The following ZFYVE28 variants were observed in gnomAD, a reference collection of about 807,000 sequenced individuals.
ZFYVE28 encodes the protein lateral signaling target protein 2 homolog.
ZFYVE28 carries 40 observed loss-of-function variants against 82.1 expected under a neutral mutation model. That is an observed-to-expected ratio of 0.49 (90% CI 0.38 to 0.63). ZFYVE28 has a LOEUF of 0.63. Ranked by LOEUF, ZFYVE28 falls within the 30% of genes least tolerant of loss-of-function variation. The pLI is 0.00. For missense variants in ZFYVE28, 1,321 were observed against 1,242.1 expected, an observed-to-expected ratio of 1.06 and a Z score of -0.96; for synonymous variants, 612 against 546.1, an observed-to-expected ratio of 1.12 and a Z score of -1.68.
chr4:2,330,006 T>C (rs1229583989), intron 6 of ZFYVE28, among the ~76,000 whole-genome samples: 3 of 152,070 alleles, frequency 2.0e-5, no homozygotes, highest in Non-Finnish European at 4.4e-5. Context: ...TATAGTCTAG[T>C]GGGGGAGACA....
chr4:2,315,145 G>C (rs1367806928), intron 7 of ZFYVE28, among the ~76,000 whole-genome samples: 7 of 152,182 alleles, frequency 4.6e-5, no homozygotes, highest in Non-Finnish European at 7.4e-5. Flanking sequence ...ATTGTTTTAT[G>C]TGCAGGTTGC....
chr4:2,293,383 T>C (rs908592289), intron 8 of ZFYVE28, among the ~76,000 whole-genome samples: 9 of 152,166 alleles, frequency 5.9e-5, no homozygotes, highest in Non-Finnish European at 1.3e-4. Flanking sequence ...ATCATCTATG[T>C]AGGAAAACTG....
intron 1 of ZFYVE28, among the ~76,000 whole-genome samples, chr4:2,390,264 G>C (rs1729690142): frequency 6.6e-6 from 1 of 152,226 alleles, no homozygotes; most frequent in East Asian, 1.9e-4. Context: ...TCCCTCAGAG[G>C]TTCCAAGAGG....
At chr4:2,411,039 T>G (rs1732467844) in intron 1 of ZFYVE28, among the ~76,000 whole-genome samples, 1 of 152,192 alleles carries the variant, frequency 6.6e-6, no homozygotes, top group African/African-American at 2.4e-5. Flanking sequence ...AAAAAAACAT[T>G]GCCCTAAGGA....
intron 1 of ZFYVE28, among the ~76,000 whole-genome samples, chr4:2,390,989 A>G (rs1013587093): frequency 1.3e-5 from 2 of 152,190 alleles, no homozygotes; most frequent in African/African-American, 4.8e-5. Context: ...GCTGAAAGTC[A>G]TTTCATAGAA....
At chr4:2,314,838 G>A (rs1445350778) in intron 7 of ZFYVE28, among the ~76,000 whole-genome samples, 2 of 152,120 alleles carry the variant, frequency 1.3e-5, no homozygotes, top group Non-Finnish European at 2.9e-5. Context: ...GAGTGCAGTG[G>A]CACAATCATA....
chr4:2,392,888 G>C (rs1415696331), intron 1 of ZFYVE28, among the ~76,000 whole-genome samples: 3 of 152,146 alleles, frequency 2.0e-5, no homozygotes, highest in African/African-American at 7.2e-5. Context: ...ACACACCTCA[G>C]CTGTAAGGAA....
intron 1 of ZFYVE28, among the ~76,000 whole-genome samples, chr4:2,382,382 G>A (rs1474368505): frequency 2.0e-5 from 3 of 152,208 alleles, no homozygotes; most frequent in Admixed American, 6.5e-5. Flanking sequence ...AGCTGGGAGG[G>A]AGGCTGTACC....
intron 6 of ZFYVE28, among the ~76,000 whole-genome samples, chr4:2,327,707 T>C (rs1480398074): frequency 2.0e-5 from 3 of 152,224 alleles, no homozygotes; most frequent in Non-Finnish European, 2.9e-5. Context: ...CATATGGTTT[T>C]TTTATTCTAT....
intron 1 of ZFYVE28, among the ~76,000 whole-genome samples, chr4:2,383,692 G>C (rs1370981017): frequency 6.6e-6 from 1 of 152,222 alleles, no homozygotes; most frequent in Non-Finnish European, 1.5e-5. Context: ...CATCAGTGCA[G>C]ACTGGAGTGA....
intron 8 of ZFYVE28, among the ~76,000 whole-genome samples, chr4:2,276,766 T>C (rs1341535489): frequency 6.6e-6 from 1 of 151,652 alleles, no homozygotes; most frequent in African/African-American, 2.4e-5. Flanking sequence ...GTCACGTTCA[T>C]ACAGATGGAA....
intron 7 of ZFYVE28, among the ~76,000 whole-genome samples, chr4:2,308,981 A>G (rs1309708222): frequency 6.6e-6 from 1 of 152,216 alleles, no homozygotes; most frequent in African/African-American, 2.4e-5. Context: ...ATTTATGCTT[A>G]CGTATTTGAT....
chr4:2,354,364 C>T (rs768601327), intron 1 of ZFYVE28, among the ~76,000 whole-genome samples: 7 of 152,214 alleles, frequency 4.6e-5, no homozygotes, highest in Admixed American at 2.0e-4. Flanking sequence ...AAGGTCCTCA[C>T]GCTCCCTCTG....
intron 1 of ZFYVE28, among the ~76,000 whole-genome samples, chr4:2,402,316 G>A (rs1731277673): frequency 6.6e-6 from 1 of 152,156 alleles, no homozygotes; most frequent in East Asian, 1.9e-4. Flanking sequence ...CAGTAAGTCG[G>A]CCAGGCAAGC....
chr4:2,304,300 C>T lies in ZFYVE28; in HGVS notation c.2040G>A (p.Leu680=). Residue 680 remains leucine (L), a synonymous_variant, in exon 8 of 13, where the codon CTG becomes CTA. Transcript: ENST00000290974. ...SPSAHEAPQA[L]SGSSSSTAGS... ...AGACTGGCTCTTACCTGGAGCCCGA[C>T]AGGGCCTGAGGCGCCTCGTGAGCCG... The T allele has an allele frequency of 3.8e-6, 6 of 1,578,482 alleles. No individual in the cohort carries two copies. Among genetic ancestry groups the T allele is most frequent in the Non-Finnish European group, 5.1e-6 (6 of 1,168,870 alleles).
Position 2,372,515 on chromosome 4 carries a change from T to A in ZFYVE28, c.40-18442A>T, listed in dbSNP as rs1483637699. 6.6e-6 allele frequency among the ~76,000 whole-genome samples: 1 copy of A among 151,980 alleles called. No individual in the cohort carries two copies. Among genetic ancestry groups the A allele is most frequent in the Non-Finnish European group, 1.5e-5 (1 of 67,964 alleles). On this transcript the variant is annotated intron_variant, in intron 1 of 12. Coordinates refer to ENST00000290974, the MANE Select transcript of ZFYVE28 (RefSeq NM_020972.3). The surrounding 1 kb of genome is among the most constrained non-coding windows in gnomAD (Gnocchi z 5.2). Reference sequence around the variant, plus strand: ...GGACGTCACCATCATCGAGGCCTCCTAGCCCCTCCAGCACGGCACCATGCC... The same window carrying A: ...GGACGTCACCATCATCGAGGCCTCCAAGCCCCTCCAGCACGGCACCATGCC...
chr4:2,399,426 C>A (rs918564927), intron 1 of ZFYVE28, among the ~76,000 whole-genome samples: 2 of 149,998 alleles, frequency 1.3e-5, no homozygotes, highest in Non-Finnish European at 2.9e-5. Flanking sequence ...TGCCAGCATT[C>A]CCCTACCACG....
At chr4:2,393,287 CAG>C (rs1207614885) in intron 1 of ZFYVE28, among the ~76,000 whole-genome samples, 1 of 152,266 alleles carries the variant, frequency 6.6e-6, no homozygotes, top group Non-Finnish European at 1.5e-5. Flanking sequence ...TTGTCAAACA[CAG>C]AGTAATTCCA....
chr4:2,314,474 T>G (rs1258289703), intron 7 of ZFYVE28, among the ~76,000 whole-genome samples: 1 of 152,242 alleles, frequency 6.6e-6, no homozygotes. Flanking sequence ...GTATCTTCTC[T>G]TTCTCTGCTC....
Sources: allele counts gnomAD v4.1 joint callset (sites outside exome capture counted in the v4.1 genomes callset), GRCh38; gene constraint gnomAD v4.1.1; non-coding constraint Gnocchi (gnomAD v3.1); transcripts MANE v1.5; gene names NCBI Gene and HGNC (gene_info 2026-07-23, HGNC 2026-07-21).